Variants in CCNDBP1 observed in about 807,000 individuals in gnomAD.
The protein encoded by CCNDBP1 is cyclin D1 binding protein 1, also known as cyclin-D1-binding protein 1.
Under a neutral mutation model 46.2 loss-of-function variants are expected in CCNDBP1, and 45 were observed. The ratio of observed to expected loss-of-function variants is 0.97; its 90% CI spans 0.77 to 1.25. The LOEUF (loss-of-function observed/expected upper bound fraction) is 1.25. Ranked by LOEUF, CCNDBP1 falls within the 50% of genes most tolerant of loss-of-function variation. CCNDBP1 has a pLI of 0.00. For synonymous variants in CCNDBP1, 154 were observed against 163.6 expected (o/e 0.94, Z 0.45); for missense variants, 436 against 442.1 (o/e 0.99, Z 0.12).
At chr15:43,191,728 T>TTG in intron 8 of CCNDBP1, 53 bp downstream of exon 8, 2 of 1,561,062 alleles carry the variant, frequency 1.3e-6, no homozygotes, top group Non-Finnish European at 1.7e-6. Flanking sequence ...TGATTTCAAT[T>TTG]TGTGTTGTCA....
chr15:43,185,704 C>T (rs1285086647), intron 1 of CCNDBP1, 97 bp downstream of exon 1: 36 of 1,057,188 alleles, frequency 3.4e-5, no homozygotes, highest in Admixed American at 1.9e-4. Context: ...CTCGGGGTCG[C>T]GGAGAGGGCG....
intron 8 of CCNDBP1, 25 bp from the exon 9 acceptor site, chr15:43,192,718 G>T (rs1223534483): frequency 1.8e-5 from 29 of 1,611,352 alleles, no homozygotes; most frequent in Non-Finnish European, 2.3e-5. Context: ...TTTTGTTAAT[G>T]ATTACTTTTG....
chr15:43,185,552 G>T lies in CCNDBP1; in HGVS notation c.54G>T (p.Leu18Phe). 6.3e-7 allele frequency: 1 copy of T among 1,595,632 alleles called. No homozygotes were observed. Among genetic ancestry groups the T allele is most frequent in the Non-Finnish European group, 8.5e-7 (1 of 1,173,556 alleles). ...CAGTCCCCACCCTGGCTTCGCCTTT[G>T]GAGCAGCTCCGGCACTTGGCGGAGG... ...AAAVPTLASP[L>F]EQLRHLAEEL... Residue 18 changes from leucine to phenylalanine, a missense_variant, in exon 1 of 11, where the codon TTG (leucine) becomes TTT (phenylalanine). Physicochemically the swap from Leu to Phe is conservative, Grantham distance 22 (BLOSUM62 0). Transcript: ENST00000300213.
rs931520263 is a variant in CCNDBP1, at chr15:43,195,997, CAACAAAATAACATA to C, written c.*1167_*1180del. On this transcript the variant is annotated 3_prime_UTR_variant, in exon 11 of 11. Coordinates refer to ENST00000300213, the MANE Select transcript of CCNDBP1 (RefSeq NM_012142.5). ...AAATCAAACTGACAGAGTGTCAAGG[CAACAAAATAACATA>C]AACAAAATAATAACATTGTACAACA... The C allele has an allele frequency of 2.0e-5, 3 of 152,016 alleles. No homozygotes were observed. Among genetic ancestry groups the C allele is most frequent in the African/African-American group, 7.3e-5 (3 of 41,342 alleles). 9.4% of individuals were successfully genotyped at this position (152,016 alleles called of 1,614,324 possible). A position where few individuals can be genotyped will look rare whatever the true frequency, so the allele number is the denominator to read the frequency against.
At position 43,191,601 on chromosome 15, in the gene CCNDBP1, G is replaced by A. The variant is rs766221892; in HGVS notation, c.786G>A (p.Val262=). 6.2e-7 allele frequency: 1 copy of A among 1,613,666 alleles called. No homozygotes were observed. The highest frequency in any genetic ancestry group is 8.5e-7 in the Non-Finnish European group (1 of 1,179,988). ...KACLKKIRML[V]AENGKKDQVA... ...GCCTGAAGAAAATTCGGATGTTAGT[G>A]GCAGAGAATGGGAAGAAGGATCAGG... The change falls in exon 8 of 11, where the codon GTG becomes GTA. Residue 262 remains valine (V), a synonymous_variant. Transcript: ENST00000300213.
Position 43,185,427 on chromosome 15 carries a change from AGCGGCTGTCGCAGT to A in CCNDBP1, c.-65_-52del. ...CCTTGACGCTGTGGCCCGGAAGTGG[AGCGGCTGTCGCAGT>A]GCGGCTCCGGCAGTGGCAGCGGAGG... On this transcript the variant is annotated 5_prime_UTR_variant, in exon 1 of 11. Coordinates refer to ENST00000300213, the MANE Select transcript of CCNDBP1 (RefSeq NM_012142.5). 8.4e-7 allele frequency: 1 copy of A among 1,191,684 alleles called. No individual in the cohort carries two copies. The highest frequency in any genetic ancestry group is 1.2e-6 in the Non-Finnish European group (1 of 832,140). The allele number at this position is 1,191,684 out of a possible 1,614,324, so 73.8% of individuals were successfully genotyped here.
Position 43,185,861 on chromosome 15 carries a change from A to G in CCNDBP1, c.151A>G (p.Met51Val). ...GACCACCGAGGAGTTTAATCGAGAG[A>G]TGTTCTGGAGAAGACTCAGTGAGTG... ...QETTEEFNRE[M>V]FWRRLNEAAV... Residue 51 changes from methionine to valine, a missense_variant, in exon 2 of 11, where the codon ATG becomes GTG. Coordinates refer to ENST00000300213, the MANE Select transcript of CCNDBP1 (RefSeq NM_012142.5). 1.9e-6 allele frequency: 3 copies of G among 1,611,384 alleles called. No homozygotes were observed. Among genetic ancestry groups the G allele is most frequent in the Non-Finnish European group, 2.5e-6 (3 of 1,179,906 alleles).
intron 3 of CCNDBP1, 114 bp downstream of exon 3, chr15:43,186,347 A>G (rs2041837590): frequency 4.8e-6 from 4 of 831,350 alleles, no homozygotes; most frequent in Admixed American, 4.8e-5. Flanking sequence ...TCATCTGTCC[A>G]GTGAGGTTAC....
intron 4 of CCNDBP1, chr15:43,189,499 A>T: frequency 2.1e-6 from 1 of 468,146 alleles, no homozygotes; most frequent in South Asian, 3.4e-5. Flanking sequence ...GCCTTGCCTG[A>T]CTCATAAGGC....
chr15:43,189,487 CTGCCT>C, intron 4 of CCNDBP1: 1 of 485,146 alleles, frequency 2.1e-6, no homozygotes, highest in Non-Finnish European at 3.6e-6. Flanking sequence ...CCCATCTCCC[CTGCCT>C]TGCCTGACTC....
At chr15:43,189,101 A>AAG (rs1555469928) in intron 3 of CCNDBP1, 98 bp from the exon 4 acceptor site, 11,238 of 164,776 alleles carry the variant, frequency 0.068, 1,620 homozygotes, top group South Asian at 0.12. Context: ...AAAAAAAAAA[A>AAG]AAAGAAAAAG....
At chr15:43,186,369 C>A (rs1031681078) in intron 3 of CCNDBP1, 136 bp downstream of exon 3, 2 of 715,672 alleles carry the variant, frequency 2.8e-6, no homozygotes, top group Non-Finnish European at 4.7e-6. Flanking sequence ...GTTTTTACTT[C>A]ACAGGATTGT....
In CCNDBP1 at chr15:43,196,996, T is replaced by C. The variant is rs557576133; in HGVS notation, c.*2155T>C. On this transcript the variant is annotated 3_prime_UTR_variant, in exon 11 of 11. Coordinates refer to ENST00000300213, the MANE Select transcript of CCNDBP1 (RefSeq NM_012142.5). ...GTCCCTCCCCCACCCCAGAGCTGGC[T>C]GTTAAAACGAGGCTGGCACCTGGCA... 9 of 399,782 alleles carry C rather than the reference T, an allele frequency of 2.3e-5. No homozygotes were observed. The East Asian group carries it at 4.1e-4, about 18-fold the overall frequency. The allele number at this position is 399,782 out of a possible 1,614,324, so 24.8% of individuals were successfully genotyped here.
chr15:43,193,549 A>G (rs2041994291), intron 9 of CCNDBP1, among the ~76,000 whole-genome samples: 1 of 152,124 alleles, frequency 6.6e-6, no homozygotes, highest in Non-Finnish European at 1.5e-5. Context: ...CCAGAAACAT[A>G]CTCTGTTCTA....
Position 43,191,632 on chromosome 15 carries a change from C to T in CCNDBP1, c.817C>T (p.Gln273Ter), listed in dbSNP as rs1184735150. Reference sequence around the variant, plus strand: ...GAATGGGAAGAAGGATCAGGTGGCACAGCTGGATGACATTGTGGATATTTC... The same window carrying T: ...GAATGGGAAGAAGGATCAGGTGGCATAGCTGGATGACATTGTGGATATTTC... ...AENGKKDQVA[Q>*]LDDIVDISDE... The change falls in exon 8 of 11, where the codon CAG becomes TAG. Residue 273 changes from glutamine (Q) to a stop codon, truncating the protein, a stop_gained. Coordinates refer to ENST00000300213, the MANE Select transcript of CCNDBP1 (RefSeq NM_012142.5). LOFTEE classifies it high-confidence loss of function. The T allele has an allele frequency of 1.2e-6, 2 of 1,611,312 alleles. No homozygotes were observed. Among genetic ancestry groups the T allele is most frequent in the East Asian group, 2.2e-5 (1 of 44,888 alleles).
rs371142876 is a variant in CCNDBP1, at chr15:43,191,681, C to T, written c.860+6C>T. ...TCTGATGAAATCAGCCCTAGGTAAGCGGGATCCCCACTTGAAACATCTGAG... is the reference window on the plus strand; with the variant it reads ...TCTGATGAAATCAGCCCTAGGTAAGTGGGATCCCCACTTGAAACATCTGAG... On this transcript the variant is annotated splice_donor_region_variant and intron_variant, in intron 8 of 10. Transcript: ENST00000300213. The T allele has an allele frequency of 4.8e-5, 76 of 1,598,162 alleles. No individual in the cohort carries two copies. In the African/African-American group the frequency reaches 6.5e-4, roughly 14 times the overall value.
At chr15:43,191,343 CTTTTTTT>C (rs3214529) in intron 7 of CCNDBP1, 45 bp from the exon 8 acceptor site, 1,561 of 680,706 alleles carry the variant, frequency 2.3e-3, no homozygotes, top group Middle Eastern at 3.0e-3. Context: ...TAGGCCTCGC[CTTTTTTT>C]TTTTTTTTTT....
chr15:43,192,722 A>T (rs760242032), intron 8 of CCNDBP1, 21 bp from the exon 9 acceptor site: 11 of 1,612,328 alleles, frequency 6.8e-6, no homozygotes, highest in Admixed American at 6.7e-5. Flanking sequence ...GTTAATGATT[A>T]CTTTTGTTTT....
chr15:43,194,903 C>A lies in CCNDBP1; in HGVS notation c.*62C>A. The A allele has an allele frequency of 1.9e-6, 2 of 1,027,216 alleles. No individual in the cohort carries two copies. The highest frequency in any genetic ancestry group is 3.0e-6 in the Non-Finnish European group (2 of 658,762). 63.6% of individuals were successfully genotyped at this position (1,027,216 alleles called of 1,614,324 possible). On this transcript the variant is annotated 3_prime_UTR_variant, in exon 11 of 11. Transcript: ENST00000300213. ...CGTCATGGTCAGGCTCTGATACCTG[C>A]TTTTAAAATGGAGCTAGAATGCTTG...
Sources: gnomAD v4.1 joint callset for allele counts (sites outside exome capture counted in the v4.1 genomes callset) on GRCh38, gnomAD v4.1.1 for gene constraint, MANE v1.5 for transcripts, NCBI Gene and HGNC (gene_info 2026-07-23, HGNC 2026-07-21) for gene names.